CLUH: variants seen among roughly 807,000 people sequenced by gnomAD.
The protein encoded by CLUH is clustered mitochondria protein homolog.
In CLUH, 77 loss-of-function variants were observed where a neutral mutation model predicts 139.3. The observed-to-expected ratio is 0.55, with a 90% CI of 0.46 to 0.67. The LOEUF (loss-of-function observed/expected upper bound fraction) is 0.67. Among genes scored for constraint, CLUH ranks in the 30% least tolerant of loss-of-function variants. The pLI is 0.00. For missense variants in CLUH, 1,876 were observed against 1,875.8 expected (o/e 1.00, Z 0.00); for synonymous variants, 999 against 801.6 (o/e 1.25, Z -4.16).
intron 13 of CLUH, chr17:2,695,763 G>A: frequency 1.6e-6 from 1 of 610,428 alleles, no homozygotes; most frequent in Non-Finnish European, 2.8e-6. Context: ...GTGCCCGCTT[G>A]GGGGCACTAC....
At chr17:2,708,033 G>A in intron 1 of CLUH, 1 of 982,540 alleles carries the variant, frequency 1.0e-6, no homozygotes, top group Non-Finnish European at 1.2e-6. Flanking sequence ...TCTCCCAGGG[G>A]AGAACAGAGC....
intron 1 of CLUH, 140 bp downstream of exon 1, chr17:2,711,422 G>C (rs2070519459): frequency 5.7e-6 from 1 of 174,022 alleles, no homozygotes; most frequent in Admixed American, 6.5e-5. Flanking sequence ...TTCAGCGCGG[G>C]GGCGACCCGG....
intron 16 of CLUH, 43 bp from the exon 17 acceptor site, chr17:2,694,607 G>A (rs1163776490): frequency 1.9e-5 from 29 of 1,521,204 alleles, no homozygotes; most frequent in Non-Finnish European, 2.4e-5. Context: ...AGCACCGCCG[G>A]GCCCCCCCAA....
chr17:2,698,405 G>A lies in CLUH; in HGVS notation c.1452C>T (p.Tyr484=), dbSNP rs761369565. ...CATTCAGGTCGTTGGTGGGCGCCACGTAGGCCGCCACGTCCCCCCCGAAGT... is the reference window on the plus strand; with the variant it reads ...CATTCAGGTCGTTGGTGGGCGCCACATAGGCCGCCACGTCCCCCCCGAAGT... ...YKDFGGDVAA[Y]VAPTNDLNGV... The change falls in exon 10 of 26, where the codon TAC becomes TAT. Residue 484 remains tyrosine (Y), a synonymous_variant. Coordinates refer to ENST00000651024, the MANE Select transcript of CLUH (RefSeq NM_001366661.1). 23 of 1,613,094 alleles carry A rather than the reference G, an allele frequency of 1.4e-5. No homozygotes were observed. The highest frequency in any genetic ancestry group is 8.3e-5 in the Admixed American group (5 of 60,008).
rs372054450 is a variant in CLUH, at chr17:2,698,710, C to T, written c.1267-120G>A. ...CGGGCCTGCCTTGGAAACCCAAGGA[C>T]CCGGAGCCTCAGTTTCCTCATATGT... On this transcript the variant is annotated intron_variant, in intron 9 of 25. Transcript: ENST00000651024. 47 of 905,376 alleles carry T rather than the reference C, an allele frequency of 5.2e-5. No individual in the cohort carries two copies. In the East Asian group the frequency reaches 1.1e-3, roughly 22 times the overall value. The allele number at this position is 905,376 out of a possible 1,614,324, so 56.1% of individuals were successfully genotyped here.
In CLUH at chr17:2,696,721, G is replaced by C. The variant is rs781246965; in HGVS notation, c.2183C>G (p.Thr728Arg). The C allele has an allele frequency of 1.2e-6, 2 of 1,611,786 alleles. No homozygotes were observed. The highest frequency in any genetic ancestry group is 1.7e-6 in the Non-Finnish European group (2 of 1,179,762). Residue 728 changes from threonine (T) to arginine (R), a missense_variant and splice_region_variant, in exon 11 of 26, where the codon ACA becomes AGA. Physicochemically the swap from Thr to Arg is moderately conservative, Grantham distance 71. This residue lies in a region of CLUH where 1,454 missense variants were observed against 1,384.4 expected (regional missense o/e 1.05). Transcript: ENST00000651024. ...LAETIAADDG[T>R]ADPRSREVIR... ...CCGGCCATCTGCAGCAGCCCCACCT[G>C]TGCCGTCGTCTGCGGCGATGGTCTC...
Position 2,692,787 on chromosome 17 carries a change from T to C in CLUH, c.3305A>G (p.Gln1102Arg), listed in dbSNP as rs2151694261. The C allele has an allele frequency of 6.2e-7, 1 of 1,602,774 alleles. No homozygotes were observed. Among genetic ancestry groups the C allele is most frequent in the South Asian group, 1.1e-5 (1 of 90,208 alleles). ...GCGGCACTCGCGACTCACGTATTCC[T>C]GGATGGTGTTGGGGTGCTCGGTGCC... ...VMGTEHPNTI[Q>R]EYMHLALYCF... The change falls in exon 20 of 26, where the codon CAG (glutamine) becomes CGG (arginine). Residue 1102 changes from glutamine to arginine, a missense_variant. Gln to Arg is a conservative substitution (Grantham distance 43, BLOSUM62 1). This residue lies in a region of CLUH where 1,454 missense variants were observed against 1,384.4 expected (regional missense o/e 1.05). Coordinates refer to ENST00000651024, the MANE Select transcript of CLUH (RefSeq NM_001366661.1).
At position 2,693,815 on chromosome 17, in the gene CLUH, T is replaced by A. The variant is rs9912444; in HGVS notation, c.3231+85A>T. The A allele has an allele frequency of 3.1e-3, 4,636 of 1,491,424 alleles. 71 individuals carry two copies. The African/African-American group carries it at 0.038, about 12-fold the overall frequency. The allele number at this position is 1,491,424 out of a possible 1,614,324, so 92.4% of individuals were successfully genotyped here. Reference sequence around the variant, plus strand: ...GCGACTTCCTGGGGTCTCCCTGGACTCCACCCACTCCTCCGTCAGGGGCCC... The same window carrying A: ...GCGACTTCCTGGGGTCTCCCTGGACACCACCCACTCCTCCGTCAGGGGCCC... On this transcript the variant is annotated intron_variant, in intron 19 of 25. Coordinates refer to ENST00000651024, the MANE Select transcript of CLUH (RefSeq NM_001366661.1).
At position 2,711,562 on chromosome 17, in the gene CLUH, C is replaced by G; in HGVS notation, c.100G>C (p.Glu34Gln). ...GCCCGCTGGCCCTGGCCCCGCTCAC[C>G]GGCCGCGCCCGGCCGCCCCTTGCCC... ...AGGKGRPGAA[E>Q]LPSVMLLNGD... The change falls in exon 1 of 26, where the codon GAG becomes CAG. Residue 34 changes from glutamate to glutamine, a missense_variant and splice_region_variant. By Grantham distance (29) the Glu-to-Gln change is conservative (BLOSUM62 2). This residue lies in a region of CLUH where 152 missense variants were observed against 136.7 expected (regional missense o/e 1.11). Transcript: ENST00000651024. 1.0e-6 allele frequency: 1 copy of G among 976,194 alleles called. No homozygotes were observed. Among genetic ancestry groups the G allele is most frequent in the Non-Finnish European group, 1.2e-6 (1 of 822,684 alleles). 60.5% of individuals were successfully genotyped at this position (976,194 alleles called of 1,614,324 possible).
At position 2,704,379 on chromosome 17, in the gene CLUH, C is replaced by T. The variant is rs750344066; in HGVS notation, c.286G>A (p.Glu96Lys). 3 of 1,611,006 alleles carry T rather than the reference C, an allele frequency of 1.9e-6. No homozygotes were observed. The highest frequency in any genetic ancestry group is 2.5e-6 in the Non-Finnish European group (3 of 1,178,750). Residue 96 changes from glutamate to lysine, a missense_variant, in exon 2 of 26, where the codon GAG becomes AAG. By Grantham distance (56) the Glu-to-Lys change is moderately conservative. Around this residue, in one of 3 missense-constraint regions of CLUH, gnomAD observed 152 missense variants for 136.7 expected, o/e 1.11. Transcript: ENST00000651024. The surrounding 1 kb of genome is among the most constrained non-coding windows in gnomAD (Gnocchi z 5.7). Reference sequence around the variant, plus strand: ...CATCTTACCTGCAGGGAGAAGGGCTCGATCCCAGGGGCGAGGATCTTCACA... The same window carrying T: ...CATCTTACCTGCAGGGAGAAGGGCTTGATCCCAGGGGCGAGGATCTTCACA... ...FSVKILAPGI[E>K]PFSLQVSPQE...
At chr17:2,691,456 G>A (rs913759319) in intron 25 of CLUH, 153 bp downstream of exon 25, 2 of 730,662 alleles carry the variant, frequency 2.7e-6, no homozygotes, top group Non-Finnish European at 4.7e-6. Context: ...CAGCTACTGG[G>A]GAGGCTGAGG....
At position 2,695,108 on chromosome 17, in the gene CLUH, G is replaced by C; in HGVS notation, c.2608-7C>G. On this transcript the variant is annotated splice_polypyrimidine_tract_variant and splice_region_variant and intron_variant, in intron 15 of 25. Coordinates refer to ENST00000651024, the MANE Select transcript of CLUH (RefSeq NM_001366661.1). ...GGCCGGAGAGCTCGACTCCCTGCGA[G>C]GCAGGTTGGATCCGAGTCATGAGGG... 1 of 1,612,432 alleles carries C rather than the reference G, an allele frequency of 6.2e-7. No individual in the cohort carries two copies. The highest frequency in any genetic ancestry group is 1.1e-5 in the South Asian group (1 of 91,014).
rs1273068066 is a variant in CLUH, at chr17:2,694,937, G to A, written c.2772C>T (p.Ala924=). 6.2e-7 allele frequency: 1 copy of A among 1,610,204 alleles called. No homozygotes were observed. The highest frequency in any genetic ancestry group is 8.5e-7 in the Non-Finnish European group (1 of 1,178,272). Residue 924 remains alanine (A), a synonymous_variant, in exon 16 of 26, where the codon GCC becomes GCT. Coordinates refer to ENST00000651024, the MANE Select transcript of CLUH (RefSeq NM_001366661.1). ...GCTCCTGGGGGGTCATGACAGCCCA[G>A]GCTGTGTTATCTGCAGCCCCCGGGG... ...NRPPGAADNT[A]WAVMTPQELW...
Position 2,694,281 on chromosome 17 carries a change from G to A in CLUH, c.2938-5C>T, listed in dbSNP as rs762075483. ...GCTGTACTCCTTCAGCAGGACCTGG[G>A]GGGCAGCCCCCCCACCACAGGAAGC... On this transcript the variant is annotated splice_polypyrimidine_tract_variant and splice_region_variant and intron_variant, in intron 17 of 25. Coordinates refer to ENST00000651024, the MANE Select transcript of CLUH (RefSeq NM_001366661.1). 9 of 1,577,350 alleles carry A rather than the reference G, an allele frequency of 5.7e-6. No individual in the cohort carries two copies. The Admixed American group carries it at 1.0e-4, about 18-fold the overall frequency.
chr17:2,693,939 G>A lies in CLUH; in HGVS notation c.3192C>T (p.Leu1064=), dbSNP rs200765778. The change falls in exon 19 of 26, where the codon CTC becomes CTT. Residue 1064 remains leucine (L), a synonymous_variant. Coordinates refer to ENST00000651024, the MANE Select transcript of CLUH (RefSeq NM_001366661.1). ...CCATGATGTAGTGGAGGCGGGCGAG[G>A]AGGCGCAGGCAGGCGCAGGTCTCCA... ...MHVETCACLR[L]LARLHYIMGD... is the part of the protein sequence containing the mutation. The A allele has an allele frequency of 1.7e-4, 279 of 1,613,780 alleles. 2 individuals are homozygous for A. The East Asian group carries it at 6.2e-3, about 36-fold the overall frequency.
rs754412026 is a variant in CLUH at position 2,694,226 on chromosome 17, G to A, written c.2988C>T (p.Thr996=). The change falls in exon 18 of 26, where the codon ACC becomes ACT. Residue 996 remains threonine (T), a synonymous_variant. Coordinates refer to ENST00000651024, the MANE Select transcript of CLUH (RefSeq NM_001366661.1). ...SFDSRHKPAF[T]EEDVLNIFPV... ...GGAAGATGTTGAGCACGTCCTCCTC[G>A]GTGAACGCGGGCTTGTGGCGACTGT... 1.1e-5 allele frequency: 17 copies of A among 1,611,898 alleles called. No homozygotes were observed. The highest frequency in any genetic ancestry group is 8.9e-5 in the East Asian group (4 of 44,856).
intron 13 of CLUH, 75 bp downstream of exon 13, chr17:2,696,084 C>T (rs1038043449): frequency 3.3e-6 from 4 of 1,211,676 alleles, no homozygotes; most frequent in Non-Finnish European, 4.7e-6. Flanking sequence ...TGTTCATGGG[C>T]CTCCAAGTCG....
Position 2,700,433 on chromosome 17 carries a change from C to G in CLUH, c.1215G>C (p.Leu405=). ...WNEELQTTRE[L]PRKNLPERLL... ...GCCGCTCAGGCAGGTTCTTGCGAGGCAGCTCCCTCGTCGTCTGCAGCTCCT... is the reference window on the plus strand; with the variant it reads ...GCCGCTCAGGCAGGTTCTTGCGAGGGAGCTCCCTCGTCGTCTGCAGCTCCT... Residue 405 remains leucine (L), a synonymous_variant, in exon 9 of 26, where the codon CTG becomes CTC. Transcript: ENST00000651024. 2 of 1,613,396 alleles carry G rather than the reference C, an allele frequency of 1.2e-6. No homozygotes were observed. The highest frequency in any genetic ancestry group is 1.7e-6 in the Non-Finnish European group (2 of 1,179,832).
In CLUH at chr17:2,696,023, AAC is replaced by A. The variant is rs1253882292; in HGVS notation, c.2391+134_2391+135del. On this transcript the variant is annotated intron_variant, in intron 13 of 25. Transcript: ENST00000651024. ...TGGGGGTCAGGCTCCCCATCTGTCA[AAC>A]GGGGATGCCCACTCAGGGAAAGCTG... The A allele has an allele frequency of 4.2e-6, 3 of 713,666 alleles. No individual in the cohort carries two copies. The East Asian group carries it at 8.1e-5, about 19-fold the overall frequency. The allele number at this position is 713,666 out of a possible 1,614,324, so 44.2% of individuals were successfully genotyped here. A position where few individuals can be genotyped will look rare whatever the true frequency, so the allele number is the denominator to read the frequency against.
Sources: gnomAD v4.1 joint callset for allele counts on GRCh38, gnomAD v4.1.1 for gene constraint, gnomAD v4.1.1 regional missense constraint, Gnocchi (gnomAD v3.1) non-coding constraint, MANE v1.5 for transcripts, NCBI Gene and HGNC (gene_info 2026-07-23, HGNC 2026-07-21) for gene names.